The following MED16 variants were observed in gnomAD, a reference collection of about 807,000 sequenced individuals.
MED16 encodes the protein mediator complex subunit 16.
MED16 carries 81 observed loss-of-function variants against 84.4 expected under a neutral mutation model. That is an observed-to-expected ratio of 0.96 (90% CI 0.80 to 1.15). MED16 has a LOEUF of 1.15. Among genes scored for constraint, MED16 ranks in the 50% most tolerant of loss-of-function variants. The pLI, the probability that MED16 is intolerant of heterozygous loss-of-function variation, is 0.00. For synonymous variants in MED16, 897 were observed against 552.2 expected (o/e 1.62, Z -8.76); for missense variants, 1,585 against 1,245.9 (o/e 1.27, Z -4.10).
Position 890,066 on chromosome 19 carries a change from G to A in MED16, c.277+71C>T, listed in dbSNP as rs572148659. The A allele has an allele frequency of 4.7e-5, 58 of 1,230,032 alleles. No individual in the cohort carries two copies. In the East Asian group the frequency reaches 5.1e-4, roughly 11 times the overall value. The allele number at this position is 1,230,032 out of a possible 1,614,324, so 76.2% of individuals were successfully genotyped here. A position where few individuals can be genotyped will look rare whatever the true frequency, so the allele number is the denominator to read the frequency against. On this transcript the variant is annotated intron_variant, in intron 3 of 15. Coordinates refer to ENST00000325464, the MANE Select transcript of MED16 (RefSeq NM_005481.3). ...CCCAGCGCCGGACTCCAGACTGACC[G>A]GAGAAACACAGGGCCCCCCTGCTCC...
At chr19:868,529 C>T (rs1477135772) in intron 14 of MED16, 30 bp from the exon 15 acceptor site, 5 of 1,604,826 alleles carry the variant, frequency 3.1e-6, no homozygotes, top group Admixed American at 1.7e-5. Context: ...GAGCGGGTTC[C>T]CACTTCCAGG....
At chr19:871,726 G>T (rs905733971) in intron 12 of MED16, 200 bp downstream of exon 12, 5 of 1,092,136 alleles carry the variant, frequency 4.6e-6, no homozygotes, top group Non-Finnish European at 6.6e-6. Flanking sequence ...GTTCTGGCGG[G>T]GGGCTCAGGC....
At chr19:872,987 G>C (rs78093369) in intron 11 of MED16, 7,992 of 97,808 alleles carry the variant, frequency 0.082, 549 homozygotes, top group African/African-American at 0.12. Context: ...CGAGGTGGGG[G>C]AGGGCTCCGA....
rs1182674801 is a variant in MED16 at position 885,814 on chromosome 19, C to T, written c.835G>A (p.Ala279Thr). The T allele has an allele frequency of 3.0e-5, 49 of 1,612,772 alleles. No individual in the cohort carries two copies. Among genetic ancestry groups the T allele is most frequent in the Non-Finnish European group, 4.0e-5 (47 of 1,179,944 alleles). The change falls in exon 5 of 16, where the codon GCC becomes ACC. Residue 279 changes from alanine (A) to threonine (T), a missense_variant. Ala to Thr is a moderately conservative substitution (Grantham distance 58). Transcript: ENST00000325464. Reference sequence around the variant, plus strand: ...GCCAGGAACTTGAGGTGGGTGATGGCGGGAAACTTGTCCTTGCGGTTGAGG... The same window carrying T: ...GCCAGGAACTTGAGGTGGGTGATGGTGGGAAACTTGTCCTTGCGGTTGAGG... ...TDLNRKDKFP[A>T]ITHLKFLARD...
chr19:885,698 A>G lies in MED16; in HGVS notation c.879+72T>C, dbSNP rs541588512. 2.7e-3 allele frequency: 4,160 copies of G among 1,545,328 alleles called. 10 individuals are homozygous for G. Among genetic ancestry groups the G allele is most frequent in the Non-Finnish European group, 3.3e-3 (3,749 of 1,144,684 alleles). On this transcript the variant is annotated intron_variant, in intron 5 of 15. Coordinates refer to ENST00000325464, the MANE Select transcript of MED16 (RefSeq NM_005481.3). ...CCCGTGGAGGCCCGCGCGGGTCTCC[A>G]CCCCCAGGACCCTGAGAAGCAGTGC...
chr19:881,044 C>T (rs564945235), intron 7 of MED16, among the ~76,000 whole-genome samples: 7 of 152,118 alleles, frequency 4.6e-5, no homozygotes, highest in Non-Finnish European at 1.0e-4. Context: ...CCCTGAGCCC[C>T]GAGCGGGTTT....
chr19:882,972 G>T (rs2036451050), intron 6 of MED16, among the ~76,000 whole-genome samples: 1 of 152,224 alleles, frequency 6.6e-6, no homozygotes, highest in South Asian at 2.1e-4. Context: ...GGGGTGGCTG[G>T]CCCTCATGGA....
intron 2 of MED16, 37 bp downstream of exon 2, chr19:890,926 G>T: frequency 1.2e-6 from 2 of 1,601,842 alleles, no homozygotes; most frequent in Non-Finnish European, 8.5e-7. Context: ...GGGACACCAT[G>T]CGGCCGGGAG....
intron 6 of MED16, among the ~76,000 whole-genome samples, chr19:882,938 C>T (rs531576229): frequency 1.4e-4 from 21 of 152,334 alleles, no homozygotes; most frequent in Non-Finnish European, 2.4e-4. Context: ...GTGGCTGAGA[C>T]GCCCAGAGGG....
At position 873,199 on chromosome 19, in the gene MED16, G is replaced by A. The variant is rs547067312; in HGVS notation, c.1905+250C>T. On this transcript the variant is annotated intron_variant, in intron 11 of 15. Coordinates refer to ENST00000325464, the MANE Select transcript of MED16 (RefSeq NM_005481.3). ...AGGAAGTGGGGCAGGGCTAGGAAGT[G>A]GGGGTTTAAGAAGAGACAGACTCAG... 396 of 564,510 alleles carry A rather than the reference G, an allele frequency of 7.0e-4. 3 individuals carry two copies. Among genetic ancestry groups the A allele is most frequent in the Middle Eastern group, 2.6e-3 (5 of 1,940 alleles). The allele number at this position is 564,510 out of a possible 1,614,324, so 35.0% of individuals were successfully genotyped here. A position where few individuals can be genotyped will look rare whatever the true frequency, so the allele number is the denominator to read the frequency against.
chr19:890,460 TA>T, intron 2 of MED16: 3 of 452,642 alleles, frequency 6.6e-6, no homozygotes, highest in Non-Finnish European at 1.2e-5. Context: ...AAAACCAGAT[TA>T]GAAGAAAATG....
Position 880,044 on chromosome 19 carries a change from C to A in MED16, c.1246G>T (p.Glu416Ter). The stretch of plus-strand genomic sequence containing the variant: ...GTGCGGGGGCGCTTCATGGCCGGCT[C>A]ATCCACAGGCCTCGGGGCCGCGGAG... ...YSSAAPRPVD[E>*]PAMKRPRTAG... Residue 416 changes from glutamate to a stop codon, truncating the protein, a stop_gained, in exon 8 of 16, where the codon GAG becomes TAG. Coordinates refer to ENST00000325464, the MANE Select transcript of MED16 (RefSeq NM_005481.3). LOFTEE classifies it high-confidence loss of function. The A allele has an allele frequency of 6.2e-7, 1 of 1,611,106 alleles. No homozygotes were observed. The highest frequency in any genetic ancestry group is 8.5e-7 in the Non-Finnish European group (1 of 1,179,226).
chr19:871,725 G>A (rs1022699960), intron 12 of MED16: 8 of 1,123,390 alleles, frequency 7.1e-6, no homozygotes, highest in Non-Finnish European at 9.0e-6. Flanking sequence ...TGTTCTGGCG[G>A]GGGGCTCAGG....
chr19:878,745 C>T (rs2036333863), intron 8 of MED16, among the ~76,000 whole-genome samples: 1 of 146,172 alleles, frequency 6.8e-6, no homozygotes, highest in Non-Finnish European at 1.5e-5. Context: ...CAGGGCCAGC[C>T]CCACGTGCCC....
intron 12 of MED16, chr19:871,549 A>G (rs1237601496): frequency 5.7e-6 from 9 of 1,586,966 alleles, no homozygotes; most frequent in Admixed American, 1.7e-5. Context: ...TAAGAATGAC[A>G]CAGCTCACCC....
In MED16 at chr19:883,931, G is replaced by A. The variant is rs111279457; in HGVS notation, c.985+972C>T. 4.8e-3 allele frequency among the ~76,000 whole-genome samples: 737 copies of A among 152,196 alleles called. 7 individuals carry two copies. The highest frequency in any genetic ancestry group is 0.017 in the African/African-American group (715 of 41,532). Reference sequence around the variant, plus strand: ...TGGCAGCAGCCCTCTTCACCTGCCTGGTGACTCACTACAAGCCCTGGGGGA... The same window carrying A: ...TGGCAGCAGCCCTCTTCACCTGCCTAGTGACTCACTACAAGCCCTGGGGGA... On this transcript the variant is annotated intron_variant, in intron 6 of 15. Transcript: ENST00000325464.
Position 890,153 on chromosome 19 carries a change from C to A in MED16, c.261G>T (p.Leu87=). 1 of 1,550,010 alleles carries A rather than the reference C, an allele frequency of 6.5e-7. No individual in the cohort carries two copies. Residue 87 remains leucine (L), a synonymous_variant, in exon 3 of 16, where the codon CTG becomes CTT. Coordinates refer to ENST00000325464, the MANE Select transcript of MED16 (RefSeq NM_005481.3). The part of the protein sequence containing the change: ...PSEHHEAITC[L]EWDQSGSRLL... ...GCGCCTCACCTGACTGGTCCCACTC[C>A]AGGCAGGTGATGGCCTCGTGGTGCT... is the stretch of plus-strand genomic sequence containing the variant.
At chr19:885,322 G>GT (rs2036503326) in intron 5 of MED16, among the ~76,000 whole-genome samples, 1 of 152,148 alleles carries the variant, frequency 6.6e-6, no homozygotes, top group Non-Finnish European at 1.5e-5. Context: ...AGGCGACCTG[G>GT]TGTGGTCGGC....
chr19:868,471 G>A lies in MED16; in HGVS notation c.2428C>T (p.Pro810Ser), dbSNP rs1352083274. The A allele has an allele frequency of 1.2e-6, 2 of 1,610,894 alleles. No homozygotes were observed. The highest frequency in any genetic ancestry group is 1.7e-6 in the Non-Finnish European group (2 of 1,179,884). Residue 810 changes from proline to serine, a missense_variant, in exon 15 of 16, where the codon CCC (proline) becomes TCC (serine). Pro to Ser is a moderately conservative substitution (Grantham distance 74). Transcript: ENST00000325464. ...RCGCVTMLKS[P>S]NRTTAVKQWE... ...TGCTTCACCGCCGTGGTTCTGTTGGGCGACTTGAGCATGGTGACACAGCCG... is the reference window on the plus strand; with the variant it reads ...TGCTTCACCGCCGTGGTTCTGTTGGACGACTTGAGCATGGTGACACAGCCG...
Sources: allele counts gnomAD v4.1 joint callset (sites outside exome capture counted in the v4.1 genomes callset), GRCh38; gene constraint gnomAD v4.1.1; transcripts MANE v1.5; gene names NCBI Gene and HGNC (gene_info 2026-07-23, HGNC 2026-07-21).